ERAP1: variants seen among roughly 807,000 people sequenced by gnomAD.
The protein encoded by ERAP1 is adipocyte-derived leucine aminopeptidase.
Under a neutral mutation model 103.7 loss-of-function variants are expected in ERAP1, and 86 were observed. The observed-to-expected ratio is 0.83, with a 90% CI of 0.70 to 0.99. The LOEUF is 0.99. Ranked by LOEUF, ERAP1 falls within the 50% of genes least tolerant of loss-of-function variation. The probability of loss-of-function intolerance (pLI) is 0.00; values close to 1 mark genes in which losing one functional copy is unlikely to be tolerated. For missense variants in ERAP1, 1,009 were observed against 1,128.4 expected (o/e 0.89, Z 1.52); for synonymous variants, 398 against 402.4 (o/e 0.99, Z 0.13).
chr5:96,802,397 A>T (rs1778109198), intron 2 of ERAP1, among the ~76,000 whole-genome samples: 1 of 152,068 alleles, frequency 6.6e-6, no homozygotes, highest in Non-Finnish European at 1.5e-5. Flanking sequence ...ATAAAATAAT[A>T]TATATGCATA....
At chr5:96,807,570 G>C (rs1369435619) in intron 1 of ERAP1, among the ~76,000 whole-genome samples, 1 of 152,170 alleles carries the variant, frequency 6.6e-6, no homozygotes, top group African/African-American at 2.4e-5. Context: ...GAGGGACAGG[G>C]ACAGGGACCG....
intron 19 of ERAP1, chr5:96,768,892 T>C (rs1771062405): frequency 6.4e-6 from 1 of 155,088 alleles, no homozygotes; most frequent in African/African-American, 2.4e-5. Flanking sequence ...CTGTTACCTC[T>C]CTGTGCTTGT....
chr5:96,888,830 C>A, the ERAP1 span, among the ~76,000 whole-genome samples: 9 of 152,128 alleles, frequency 5.9e-5, no homozygotes, highest in Non-Finnish European at 1.2e-4. Flanking sequence ...TTGTGGTCAT[C>A]ATTTTGGAAA....
the ERAP1 span, among the ~76,000 whole-genome samples, chr5:96,899,629 C>G: frequency 1.8e-4 from 28 of 152,128 alleles, no homozygotes; most frequent in African/African-American, 5.1e-4. Flanking sequence ...AAATATTGTA[C>G]ACTCATCACA....
At chr5:96,834,088 C>T in the ERAP1 span, among the ~76,000 whole-genome samples, 8 of 152,194 alleles carry the variant, frequency 5.3e-5, no homozygotes, top group African/African-American at 1.7e-4. Context: ...AATGAGAAAG[C>T]GGTAGCCTTA....
At chr5:96,909,373 G>A in the ERAP1 span, among the ~76,000 whole-genome samples, 170 of 152,256 alleles carry the variant, frequency 1.1e-3, 1 homozygote, top group Non-Finnish European at 1.4e-3. Context: ...CTTTCAGATA[G>A]GAAATTAAAC....
the ERAP1 span, chr5:96,919,713 CTTA>C: frequency 6.6e-6 from 1 of 152,154 alleles, no homozygotes; most frequent in East Asian, 1.9e-4. Context: ...ATGTATTGTA[CTTA>C]TTAGTGTAGT....
chr5:96,773,422 C>T (rs1773168313), downstream of ERAP1: 1 of 152,416 alleles, frequency 6.6e-6, no homozygotes, highest in Admixed American at 6.5e-5. Flanking sequence ...ACTCATCTGA[C>T]TTGAACTCTG....
the ERAP1 span, among the ~76,000 whole-genome samples, chr5:96,835,947 T>C: frequency 6.6e-6 from 1 of 152,182 alleles, no homozygotes; most frequent in African/African-American, 2.4e-5. Context: ...GAGAACACTC[T>C]TGTGGTTTTA....
At chr5:96,782,481 A>G (rs946901454) in intron 15 of ERAP1, among the ~76,000 whole-genome samples, 1 of 152,222 alleles carries the variant, frequency 6.6e-6, no homozygotes, top group African/African-American at 2.4e-5. Flanking sequence ...AATTCAAACT[A>G]TATTCAAAAT....
chr5:96,914,323 TTC>T, the ERAP1 span, among the ~76,000 whole-genome samples: 1 of 152,234 alleles, frequency 6.6e-6, no homozygotes, highest in East Asian at 1.9e-4. Context: ...TCCTAGTTCC[TTC>T]TCTTTCATTT....
At chr5:96,782,016 T>C (rs1318620321) in intron 15 of ERAP1, among the ~76,000 whole-genome samples, 162 bp from the exon 16 acceptor site, 1 of 151,786 alleles carries the variant, frequency 6.6e-6, no homozygotes, top group African/African-American at 2.4e-5. Context: ...CAATTTTTTT[T>C]TTTTTTTTTT....
the ERAP1 span, among the ~76,000 whole-genome samples, chr5:96,894,547 T>C: frequency 7.0e-4 from 107 of 152,208 alleles, 1 homozygote; most frequent in African/African-American, 2.5e-3. Flanking sequence ...AAATAAAACA[T>C]AAAAGCACAT....
the ERAP1 span, among the ~76,000 whole-genome samples, chr5:96,933,156 G>A: frequency 1.3e-5 from 2 of 150,984 alleles, no homozygotes; most frequent in Non-Finnish European, 3.0e-5. Context: ...CTCCTAGGTA[G>A]GCTTCTGAAA....
intron 18 of ERAP1, 72 bp downstream of exon 18, chr5:96,780,351 T>C (rs1365843602): frequency 8.9e-7 from 1 of 1,117,768 alleles, no homozygotes; most frequent in African/African-American, 1.6e-5. Context: ...TCAAAGTATT[T>C]TGTCTACCCC....
chr5:96,905,204 A>G, the ERAP1 span, among the ~76,000 whole-genome samples: 42 of 152,332 alleles, frequency 2.8e-4, no homozygotes, highest in Non-Finnish European at 5.0e-4. Flanking sequence ...AACATAGAAA[A>G]GTACACTTCA....
the ERAP1 span, among the ~76,000 whole-genome samples, chr5:96,841,446 A>C: frequency 6.6e-6 from 1 of 152,166 alleles, no homozygotes. Context: ...ACATTTACTG[A>C]TTTCCTTGGC....
chr5:96,869,922 C>T, the ERAP1 span, among the ~76,000 whole-genome samples: 2 of 152,168 alleles, frequency 1.3e-5, no homozygotes, highest in Non-Finnish European at 2.9e-5. Context: ...CCAACCCTCC[C>T]ACTGAAGACA....
At chr5:96,822,083 G>A in the ERAP1 span, among the ~76,000 whole-genome samples, 10 of 152,104 alleles carry the variant, frequency 6.6e-5, no homozygotes, top group Non-Finnish European at 8.8e-5. Flanking sequence ...GTTATCTCCC[G>A]CCATTCCTCT....
Sources: gnomAD v4.1 joint callset for allele counts (sites outside exome capture counted in the v4.1 genomes callset) on GRCh38, gnomAD v4.1.1 for gene constraint, MANE v1.5 for transcripts, NCBI Gene and HGNC (gene_info 2026-07-23, HGNC 2026-07-21) for gene names.